PRKCA: variants seen among roughly 807,000 people sequenced by gnomAD.
The protein encoded by PRKCA is protein kinase C alpha, also known as protein kinase C alpha type.
Under a neutral mutation model 87.0 loss-of-function variants are expected in PRKCA, and 27 were observed. The ratio of observed to expected loss-of-function variants is 0.31; its 90% confidence interval spans 0.23 to 0.43. PRKCA has a LOEUF of 0.43. Among genes scored for constraint, PRKCA ranks in the 20% least tolerant of loss-of-function variants. The pLI is 1.00. For synonymous variants in PRKCA, 329 were observed against 311.1 expected (o/e 1.06, Z -0.61); for missense variants, 518 against 852.3 (o/e 0.61, Z 4.88).
At chr17:66,553,743 T>C (rs1598763588) in intron 3 of PRKCA, among the ~76,000 whole-genome samples, 1 of 152,230 alleles carries the variant, frequency 6.6e-6, no homozygotes, top group East Asian at 1.9e-4. Context: ...CGAAGCATCT[T>C]GGAAGTGGAT....
chr17:66,749,509 TCCTGTC>T (rs1252502639), intron 13 of PRKCA, among the ~76,000 whole-genome samples: 1 of 152,176 alleles, frequency 6.6e-6, no homozygotes, highest in Non-Finnish European at 1.5e-5. Context: ...GACTGCTGAC[TCCTGTC>T]CCTGCTGTTT....
intron 2 of PRKCA, among the ~76,000 whole-genome samples, chr17:66,397,490 T>A (rs1017577546): frequency 6.6e-6 from 1 of 152,064 alleles, no homozygotes; most frequent in African/African-American, 2.4e-5. Context: ...AAAAGATATA[T>A]CTTTAAAAAC....
At chr17:66,710,834 A>G (rs1973306817) in intron 8 of PRKCA, among the ~76,000 whole-genome samples, 1 of 151,970 alleles carries the variant, frequency 6.6e-6, no homozygotes, top group African/African-American at 2.4e-5. Context: ...GTTCAAGACC[A>G]GCCTGCCCAA....
chr17:66,652,709 C>A (rs1971621559), intron 5 of PRKCA, among the ~76,000 whole-genome samples: 1 of 152,158 alleles, frequency 6.6e-6, no homozygotes, highest in Admixed American at 6.5e-5. Flanking sequence ...GCAATGATAT[C>A]TATGTCTGAA....
At chr17:66,330,104 A>ATT (rs5821530) in intron 2 of PRKCA, among the ~76,000 whole-genome samples, 1 of 140,148 alleles carries the variant, frequency 7.1e-6, no homozygotes. Flanking sequence ...ATTTTCCTGG[A>ATT]TTTTTTTTTT....
chr17:66,653,523 C>T lies in PRKCA; in HGVS notation c.529+8012C>T, dbSNP rs142919699. ...GAAGGATCGCTTGAACCCAGGAGTT[C>T]GAGGTAACAGGGATCTATGATGGCG... On this transcript the variant is annotated intron_variant, in intron 5 of 16. Coordinates refer to ENST00000413366, the MANE Select transcript of PRKCA (RefSeq NM_002737.3). Among the ~76,000 whole-genome samples, 424 of 152,188 alleles carry T rather than the reference C, an allele frequency of 2.8e-3. 1 individual carries two copies. Among genetic ancestry groups the T allele is most frequent in the African/African-American group, 9.6e-3 (397 of 41,522 alleles).
At chr17:66,587,933 C>T (rs1455789877) in intron 3 of PRKCA, among the ~76,000 whole-genome samples, 6 of 84,642 alleles carry the variant, frequency 7.1e-5, no homozygotes, top group Admixed American at 2.5e-4. Context: ...ATATATATAT[C>T]CTGCAGTAGC....
Position 66,302,915 on chromosome 17 carries a change from C to A in PRKCA, c.64C>A (p.Arg22Ser). ...ASQDVANRFA[R>S]KGALRQKNVH... Reference sequence around the variant, plus strand: ...TCAGGACGTGGCCAACCGCTTCGCCCGCAAAGGGGCGCTGAGGCAGAAGAA... The same window carrying A: ...TCAGGACGTGGCCAACCGCTTCGCCAGCAAAGGGGCGCTGAGGCAGAAGAA... Residue 22 changes from arginine (R) to serine (S), a missense_variant, in exon 1 of 17, where the codon CGC (arginine) becomes AGC (serine). Around this residue, in one of 5 missense-constraint regions of PRKCA, gnomAD observed 33 missense variants for 34.1 expected, o/e 0.97. Transcript: ENST00000413366. 6.2e-7 allele frequency: 1 copy of A among 1,612,484 alleles called. No individual in the cohort carries two copies. Among genetic ancestry groups the A allele is most frequent in the Non-Finnish European group, 8.5e-7 (1 of 1,179,228 alleles).
chr17:66,470,918 C>G (rs549254913), intron 2 of PRKCA, among the ~76,000 whole-genome samples: 1 of 152,128 alleles, frequency 6.6e-6, no homozygotes, highest in Non-Finnish European at 1.5e-5. Flanking sequence ...AATTAGAAAG[C>G]CCTCTAGGTT....
intron 8 of PRKCA, among the ~76,000 whole-genome samples, chr17:66,709,104 G>T (rs1388102054): frequency 1.3e-5 from 2 of 152,198 alleles, no homozygotes; most frequent in African/African-American, 2.4e-5. Flanking sequence ...GATCTCCTCT[G>T]TTCAGGTTCA....
At position 66,645,519 on chromosome 17, in the gene PRKCA, T is replaced by G; in HGVS notation, c.529+8T>G. On this transcript the variant is annotated splice_region_variant and intron_variant, in intron 5 of 16. Coordinates refer to ENST00000413366, the MANE Select transcript of PRKCA (RefSeq NM_002737.3). ...AAAAGCTCCATGTCACAGGTAAGGC[T>G]TGCTCATCCCGGAGCAGCATCGTGG... The G allele has an allele frequency of 1.2e-6, 2 of 1,614,144 alleles. No homozygotes were observed. Among genetic ancestry groups the G allele is most frequent in the Non-Finnish European group, 8.5e-7 (1 of 1,179,996 alleles).
At chr17:66,628,690 G>A (rs1427929808) in intron 3 of PRKCA, among the ~76,000 whole-genome samples, 2 of 152,088 alleles carry the variant, frequency 1.3e-5, no homozygotes, top group South Asian at 2.1e-4. Context: ...TGCACATTTC[G>A]ATTTTTAAAG....
At chr17:66,476,752 A>C (rs1915551732) in intron 2 of PRKCA, among the ~76,000 whole-genome samples, 1 of 152,238 alleles carries the variant, frequency 6.6e-6, no homozygotes, top group South Asian at 2.1e-4. Flanking sequence ...TCATTTAAAA[A>C]TACGCCACAT....
intron 16 of PRKCA, among the ~76,000 whole-genome samples, chr17:66,801,023 A>G (rs968401087): frequency 1.3e-5 from 2 of 152,332 alleles, no homozygotes; most frequent in East Asian, 3.9e-4. Flanking sequence ...GCATTGATGA[A>G]TCAGGTTCCA....
At chr17:66,591,642 A>G (rs1159558864) in intron 3 of PRKCA, among the ~76,000 whole-genome samples, 4 of 152,178 alleles carry the variant, frequency 2.6e-5, no homozygotes, top group African/African-American at 7.2e-5. Flanking sequence ...GTTTAATTAT[A>G]GGCCATGAGG....
chr17:66,667,692 A>C (rs914997964), intron 5 of PRKCA, among the ~76,000 whole-genome samples: 1 of 152,240 alleles, frequency 6.6e-6, no homozygotes, highest in African/African-American at 2.4e-5. Context: ...AGTTAACAAC[A>C]TGAAAGCAAA....
At chr17:66,536,415 T>G (rs946524123) in intron 3 of PRKCA, among the ~76,000 whole-genome samples, 1 of 152,176 alleles carries the variant, frequency 6.6e-6, no homozygotes, top group Non-Finnish European at 1.5e-5. Flanking sequence ...AAAACCCACA[T>G]GGAAAGGCTT....
chr17:66,531,992 C>T (rs1216809760), intron 3 of PRKCA, among the ~76,000 whole-genome samples: 1 of 152,198 alleles, frequency 6.6e-6, no homozygotes, highest in East Asian at 1.9e-4. Flanking sequence ...CCTCTGCCAG[C>T]CCTCTGTGGA....
intron 3 of PRKCA, among the ~76,000 whole-genome samples, chr17:66,549,509 G>A (rs546389511): frequency 2.0e-5 from 3 of 152,164 alleles, no homozygotes; most frequent in Non-Finnish European, 4.4e-5. Context: ...TCCAGGCCAC[G>A]GGACGGGAAT....
Sources: gnomAD v4.1 joint callset for allele counts (sites outside exome capture counted in the v4.1 genomes callset) on GRCh38, gnomAD v4.1.1 for gene constraint, gnomAD v4.1.1 regional missense constraint, MANE v1.5 for transcripts, NCBI Gene and HGNC (gene_info 2026-07-23, HGNC 2026-07-21) for gene names.